The following ARMC2 variants were observed in gnomAD, a reference collection of about 807,000 sequenced individuals.
ARMC2 encodes the protein armadillo repeat-containing protein 2.
Under a neutral mutation model 90.3 loss-of-function variants are expected in ARMC2, and 67 were observed. The ratio of observed to expected loss-of-function variants is 0.74; its 90% CI spans 0.61 to 0.91. The LOEUF (loss-of-function observed/expected upper bound fraction) is 0.91, where lower values mean the gene tolerates loss of function less well. Among genes scored for constraint, ARMC2 ranks in the 40% least tolerant of loss-of-function variants. The probability of loss-of-function intolerance (pLI) is 0.00; values close to 1 mark genes in which losing one functional copy is unlikely to be tolerated. For missense variants in ARMC2, 920 were observed against 1,030.9 expected (o/e 0.89, Z 1.47); for synonymous variants, 393 against 393.0 (o/e 1.00, Z 0.00).
intron 7 of ARMC2, among the ~76,000 whole-genome samples, chr6:108,901,790 C>T (rs1772187328): frequency 6.6e-6 from 1 of 152,212 alleles, no homozygotes; most frequent in South Asian, 2.1e-4. Context: ...AAAAATCTTA[C>T]TCAAATTTTG....
At chr6:108,939,667 T>G (rs1776277568) in intron 12 of ARMC2, among the ~76,000 whole-genome samples, 1 of 152,202 alleles carries the variant, frequency 6.6e-6, no homozygotes, top group African/African-American at 2.4e-5. Flanking sequence ...TCTCAAGTAT[T>G]TATTTGTAGC....
At chr6:108,944,473 A>G (rs1409811879) in intron 12 of ARMC2, among the ~76,000 whole-genome samples, 2 of 152,208 alleles carry the variant, frequency 1.3e-5, no homozygotes, top group Non-Finnish European at 2.9e-5. Context: ...TGGCTCCCTC[A>G]GGAGAGATGG....
In ARMC2 at chr6:108,967,678, T is replaced by C. The variant is rs192670674; in HGVS notation, c.2446+2538T>C. 5.6e-3 allele frequency among the ~76,000 whole-genome samples: 853 copies of C among 152,368 alleles called. 6 individuals are homozygous for C. Among genetic ancestry groups the C allele is most frequent in the Non-Finnish European group, 7.2e-3 (491 of 68,030 alleles). On this transcript the variant is annotated intron_variant, in intron 17 of 17. Coordinates refer to ENST00000392644, the MANE Select transcript of ARMC2 (RefSeq NM_032131.6). Reference sequence around the variant, plus strand: ...TAATACCTACAGTGTGAACGCTATGTAAATGGTTGTCGTGCTGTGATTTTT... The same window carrying C: ...TAATACCTACAGTGTGAACGCTATGCAAATGGTTGTCGTGCTGTGATTTTT...
At chr6:108,949,218 G>A (rs113857761) in intron 12 of ARMC2, among the ~76,000 whole-genome samples, 3 of 152,268 alleles carry the variant, frequency 2.0e-5, no homozygotes, top group African/African-American at 4.8e-5. Context: ...CCCAATTCCA[G>A]GAACATGGTG....
intron 4 of ARMC2, among the ~76,000 whole-genome samples, chr6:108,872,739 C>G (rs1056903751): frequency 1.3e-5 from 2 of 152,224 alleles, no homozygotes; most frequent in Non-Finnish European, 2.9e-5. Context: ...TTGCACCACC[C>G]TCTTGCTGAA....
intron 5 of ARMC2, among the ~76,000 whole-genome samples, chr6:108,889,959 C>T (rs1488386227): frequency 4.7e-5 from 7 of 149,120 alleles, no homozygotes; most frequent in African/African-American, 9.9e-5. Flanking sequence ...GAGGCCGAGG[C>T]GGGCGGATCA....
the ARMC2 span, among the ~76,000 whole-genome samples, chr6:109,051,520 A>G: frequency 3.3e-5 from 5 of 152,178 alleles, 1 homozygote; most frequent in African/African-American, 1.2e-4. Flanking sequence ...TTTGCTTACC[A>G]TTAGAGGTCA....
intron 10 of ARMC2, among the ~76,000 whole-genome samples, chr6:108,918,336 A>C (rs1774196090): frequency 1.3e-5 from 2 of 151,892 alleles, no homozygotes; most frequent in African/African-American, 2.4e-5. Context: ...GGATCCCACC[A>C]CTTTGTTTGG....
intron 6 of ARMC2, among the ~76,000 whole-genome samples, chr6:108,897,488 T>C (rs969243888): frequency 2.6e-5 from 4 of 152,174 alleles, no homozygotes; most frequent in African/African-American, 9.7e-5. Context: ...TGTTTAATAA[T>C]AGCTTTGTTG....
At chr6:108,936,224 G>A (rs775015065) in intron 11 of ARMC2, among the ~76,000 whole-genome samples, 15 of 151,896 alleles carry the variant, frequency 9.9e-5, no homozygotes, top group Non-Finnish European at 7.4e-5. Flanking sequence ...GTTTTTGTTC[G>A]TTTGTTTTGA....
chr6:108,918,334 C>T (rs115631012), intron 10 of ARMC2, among the ~76,000 whole-genome samples: 52 of 152,152 alleles, frequency 3.4e-4, no homozygotes, highest in African/African-American at 1.2e-3. Flanking sequence ...AGGGATCCCA[C>T]CACTTTGTTT....
At chr6:109,046,052 T>C in the ARMC2 span, among the ~76,000 whole-genome samples, 17,123 of 152,186 alleles carry the variant, frequency 0.11, 1,064 homozygotes, top group Middle Eastern at 0.19. Flanking sequence ...AAAAATATTA[T>C]ATTTACAAGC....
chr6:108,858,257 A>T lies in ARMC2; in HGVS notation c.277A>T (p.Ser93Cys). The T allele has an allele frequency of 6.2e-7, 1 of 1,608,700 alleles. No homozygotes were observed. The highest frequency in any genetic ancestry group is 1.1e-5 in the South Asian group (1 of 90,570). ...CAGGCCTATCTCTGGCACACGTCTT[A>T]GTCCACTAGAGCTGGTGAGTACTTT... ...DSRPISGTRL[S>C]PLELKPKVPA... Residue 93 changes from serine (S) to cysteine (C), a missense_variant, in exon 3 of 18, where the codon AGT becomes TGT. By Grantham distance (112) the Ser-to-Cys change is moderately radical (BLOSUM62 -1). Coordinates refer to ENST00000392644, the MANE Select transcript of ARMC2 (RefSeq NM_032131.6).
chr6:109,022,275 T>A, the ARMC2 span, among the ~76,000 whole-genome samples: 1 of 152,142 alleles, frequency 6.6e-6, no homozygotes, highest in African/African-American at 2.4e-5. Flanking sequence ...TGCCAATTGA[T>A]GGACAGCTTT....
intron 10 of ARMC2, among the ~76,000 whole-genome samples, chr6:108,927,205 A>G (rs1000187877): frequency 6.6e-6 from 1 of 152,110 alleles, no homozygotes; most frequent in Non-Finnish European, 1.5e-5. Flanking sequence ...GAAATGGGGA[A>G]GTGGAGGAAG....
At chr6:108,892,673 C>A (rs1771191951) in intron 5 of ARMC2, among the ~76,000 whole-genome samples, 1 of 151,572 alleles carries the variant, frequency 6.6e-6, no homozygotes, top group South Asian at 2.1e-4. Context: ...GCAGGAGAAT[C>A]CCTTGGACCT....
chr6:108,955,886 G>A lies in ARMC2; in HGVS notation c.1915+2535G>A, dbSNP rs1777544939. Among the ~76,000 whole-genome samples, 3 of 152,194 alleles carry A rather than the reference G, an allele frequency of 2.0e-5. 1 individual carries two copies. In the South Asian group the frequency reaches 6.2e-4, roughly 31 times the overall value. On this transcript the variant is annotated intron_variant, in intron 13 of 17. Coordinates refer to ENST00000392644, the MANE Select transcript of ARMC2 (RefSeq NM_032131.6). ...TCAGCCCAGGACCAGGGATGGGACTGCTGCAGAATCAGCTGTGGGACTCTT... is the reference window on the plus strand; with the variant it reads ...TCAGCCCAGGACCAGGGATGGGACTACTGCAGAATCAGCTGTGGGACTCTT...
chr6:108,929,904 C>G lies in ARMC2; in HGVS notation c.1496+1671C>G, dbSNP rs190224916. Reference sequence around the variant, plus strand: ...GGGTGGATCACTTAAGCCCAAGAATCTGAGATCAGCCTGGGCAACATGGCG... The same window carrying G: ...GGGTGGATCACTTAAGCCCAAGAATGTGAGATCAGCCTGGGCAACATGGCG... On this transcript the variant is annotated intron_variant, in intron 11 of 17. Transcript: ENST00000392644. 2.0e-5 allele frequency among the ~76,000 whole-genome samples: 3 copies of G among 152,218 alleles called. No individual in the cohort carries two copies. The South Asian group carries it at 6.2e-4, about 32-fold the overall frequency.
In ARMC2 at chr6:108,854,418, G is replaced by A. The variant is rs760757905; in HGVS notation, c.151G>A (p.Ala51Thr). 1 of 1,613,422 alleles carries A rather than the reference G, an allele frequency of 6.2e-7. No individual in the cohort carries two copies. The highest frequency in any genetic ancestry group is 1.1e-5 in the South Asian group (1 of 91,060). The change falls in exon 2 of 18, where the codon GCT becomes ACT. Residue 51 changes from alanine (A) to threonine (T), a missense_variant. Physicochemically the swap from Ala to Thr is moderately conservative, Grantham distance 58 (BLOSUM62 0). Transcript: ENST00000392644. ...CCAAAGACCATTTACACCACAGGAG[G>A]CTCAAAGAAAACTATTCGGACCTGC... is the stretch of plus-strand genomic sequence containing the variant. ...RTQRPFTPQEAQRKLFGPASS... is the reference protein window; with the variant it reads ...RTQRPFTPQETQRKLFGPASS...
Sources: allele counts gnomAD v4.1 joint callset (sites outside exome capture counted in the v4.1 genomes callset), GRCh38; gene constraint gnomAD v4.1.1; transcripts MANE v1.5; gene names NCBI Gene and HGNC (gene_info 2026-07-23, HGNC 2026-07-21).